Variants in IFT52 observed in about 807,000 individuals in gnomAD.
IFT52 encodes intraflagellar transport protein 52 homolog.
Under a neutral mutation model 54.4 loss-of-function variants are expected in IFT52, and 44 were observed. The observed-to-expected ratio is 0.81, with a 90% confidence interval of 0.63 to 1.04. The LOEUF (loss-of-function observed/expected upper bound fraction) is 1.04, where lower values mean the gene tolerates loss of function less well. Among genes scored for constraint, IFT52 ranks in the 50% least tolerant of loss-of-function variants. The probability of loss-of-function intolerance (pLI) is 0.00; values close to 1 mark genes in which losing one functional copy is unlikely to be tolerated. For synonymous variants in IFT52, 181 were observed against 185.3 expected, an observed-to-expected ratio of 0.98 and a Z score of 0.19; for missense variants, 452 against 523.6, an observed-to-expected ratio of 0.86 and a Z score of 1.33.
At chr20:43,606,200 G>C (rs569196387) in intron 6 of IFT52, among the ~76,000 whole-genome samples, 1 of 150,956 alleles carries the variant, frequency 6.6e-6, no homozygotes, top group African/African-American at 2.4e-5. Flanking sequence ...TAGCCTGGGG[G>C]ACAGATGGAG....
rs990416668 is a variant in IFT52 at position 43,623,917 on chromosome 20, C to T, written c.795C>T (p.Tyr265=). ...PEISDYMMLP[Y]TATLSKRNRE... ...TTTCTGACTACATGATGCTGCCCTA[C>T]ACAGCCACCCTATCAAAGCGGAATC... The change falls in exon 10 of 14, where the codon TAC becomes TAT. Residue 265 remains tyrosine, a synonymous_variant. Coordinates refer to ENST00000373030, the MANE Select transcript of IFT52 (RefSeq NM_016004.5). The T allele has an allele frequency of 1.9e-6, 3 of 1,614,028 alleles. No individual in the cohort carries two copies. The highest frequency in any genetic ancestry group is 2.7e-5 in the African/African-American group (2 of 74,932).
chr20:43,596,469 GGAGTGAAACT>G lies in IFT52; in HGVS notation c.156_165del (p.Val53GlyfsTer18). 6.2e-7 allele frequency: 1 copy of G among 1,606,054 alleles called. No homozygotes were observed. The highest frequency in any genetic ancestry group is 8.5e-7 in the Non-Finnish European group (1 of 1,174,960). On this transcript the variant is annotated frameshift_variant, in exon 3 of 14. Transcript: ENST00000373030. LOFTEE classifies it high-confidence loss of function. Reference sequence around the variant, plus strand: ...TGAAATCACATCTGAGAAGTTAAATGGAGTGAAACTGTGGATTACAGCTGGGCCAAGGGAA... The same window carrying G: ...TGAAATCACATCTGAGAAGTTAAATGGTGGATTACAGCTGGGCCAAGGGAA...
At chr20:43,638,716 C>A (rs1985714754) in intron 12 of IFT52, among the ~76,000 whole-genome samples, 1 of 152,132 alleles carries the variant, frequency 6.6e-6, no homozygotes, top group African/African-American at 2.4e-5. Flanking sequence ...GCGTCACATT[C>A]ATTTGGTAGG....
Position 43,618,964 on chromosome 20 carries a change from CTT to C in IFT52, c.638_639del (p.Leu213ArgfsTer8), listed in dbSNP as rs1984068422. ...SKNQGGKLAV[L>X]GSCHMFSDQY... The stretch of plus-strand genomic sequence containing the variant: ...GAACCAAGGTGGGAAGCTGGCAGTG[CTT>C]GGTTCATGTCACATGTTCAGTGATC... On this transcript the variant is annotated frameshift_variant, in exon 8 of 14. Coordinates refer to ENST00000373030, the MANE Select transcript of IFT52 (RefSeq NM_016004.5). LOFTEE classifies it high-confidence loss of function. The C allele has an allele frequency of 6.2e-7, 1 of 1,613,896 alleles. No homozygotes were observed. The highest frequency in any genetic ancestry group is 8.5e-7 in the Non-Finnish European group (1 of 1,179,868).
chr20:43,639,393 G>A (rs1985761589), intron 12 of IFT52, among the ~76,000 whole-genome samples: 1 of 152,072 alleles, frequency 6.6e-6, no homozygotes, highest in African/African-American at 2.4e-5. Flanking sequence ...AAAAAAGGCT[G>A]GGTGCAGTGG....
rs573103872 is a variant in IFT52, at chr20:43,623,984, A to G, written c.862A>G (p.Thr288Ala). ...GAGTGATGAGATCCCAAGGGACTTT[A>G]CCACCCTCTTCGACCTGTCCATCTT... The part of the protein sequence containing the change: ...QESDEIPRDF[T>A]TLFDLSIFQL... Residue 288 changes from threonine (T) to alanine (A), a missense_variant, in exon 10 of 14, where the codon ACC (threonine) becomes GCC (alanine). By Grantham distance (58) the Thr-to-Ala change is moderately conservative. Coordinates refer to ENST00000373030, the MANE Select transcript of IFT52 (RefSeq NM_016004.5). 3.1e-6 allele frequency: 5 copies of G among 1,614,094 alleles called. No homozygotes were observed. The highest frequency in any genetic ancestry group is 1.7e-5 in the Admixed American group (1 of 60,002).
At chr20:43,630,754 A>G (rs1373079259) in intron 10 of IFT52, among the ~76,000 whole-genome samples, 1 of 152,222 alleles carries the variant, frequency 6.6e-6, no homozygotes, top group Admixed American at 6.5e-5. Context: ...GATCTAGTTC[A>G]GCGCCATTTC....
intron 9 of IFT52, chr20:43,621,148 A>G (rs1984270905): frequency 2.5e-6 from 1 of 392,522 alleles, no homozygotes; most frequent in Non-Finnish European, 4.6e-6. Flanking sequence ...GCATACATAC[A>G]TACAGTATGT....
At chr20:43,641,598 A>G (rs1159075215) in intron 12 of IFT52, among the ~76,000 whole-genome samples, 1 of 149,630 alleles carries the variant, frequency 6.7e-6, no homozygotes, top group Non-Finnish European at 1.5e-5. Flanking sequence ...GGGTTAAGCA[A>G]TTCTCCTACC....
chr20:43,618,711 C>T (rs185967662), intron 7 of IFT52, among the ~76,000 whole-genome samples: 1 of 151,944 alleles, frequency 6.6e-6, no homozygotes, highest in South Asian at 2.1e-4. Flanking sequence ...TTTGAACTCT[C>T]AACCTCAGGT....
chr20:43,625,393 C>G (rs888686215), intron 10 of IFT52, among the ~76,000 whole-genome samples: 4 of 152,028 alleles, frequency 2.6e-5, no homozygotes, highest in African/African-American at 9.7e-5. Flanking sequence ...CCTGTAATCC[C>G]AGCTACTCAA....
rs187446329 is a variant in IFT52 at position 43,616,952 on chromosome 20, G to A, written c.613-1988G>A. Among the ~76,000 whole-genome samples the A allele has an allele frequency of 7.8e-4, 119 of 152,262 alleles. 1 individual carries two copies. Among genetic ancestry groups the A allele is most frequent in the African/African-American group, 2.6e-3 (109 of 41,560 alleles). On this transcript the variant is annotated intron_variant, in intron 7 of 13. Coordinates refer to ENST00000373030, the MANE Select transcript of IFT52 (RefSeq NM_016004.5). The stretch of plus-strand genomic sequence containing the variant: ...CACTTGAACCCAGGAGTTCGAGGCT[G>A]CAGTGAGCCATGATTGTGCCACTGC...
chr20:43,594,242 A>T (rs1271152894), intron 1 of IFT52, among the ~76,000 whole-genome samples: 2 of 152,118 alleles, frequency 1.3e-5, no homozygotes, highest in Admixed American at 6.5e-5. Flanking sequence ...CGGGAGATGG[A>T]GGTTGCAGTG....
chr20:43,602,727 C>G (rs1982560816), intron 3 of IFT52, among the ~76,000 whole-genome samples: 1 of 152,074 alleles, frequency 6.6e-6, no homozygotes, highest in Non-Finnish European at 1.5e-5. Context: ...CCAAGCTGGT[C>G]TCGAACTCCT....
chr20:43,611,870 A>T (rs1041466930), intron 6 of IFT52, among the ~76,000 whole-genome samples: 3 of 151,694 alleles, frequency 2.0e-5, no homozygotes, highest in African/African-American at 7.3e-5. Context: ...TCTTTACTAA[A>T]AGTACAAAAA....
intron 6 of IFT52, among the ~76,000 whole-genome samples, chr20:43,607,414 G>C (rs918411702): frequency 9.4e-5 from 14 of 148,862 alleles, no homozygotes; most frequent in African/African-American, 3.0e-4. Flanking sequence ...CTTCTCAGAC[G>C]GGGCGGCTGC....
At chr20:43,630,464 T>A (rs1267169528) in intron 10 of IFT52, among the ~76,000 whole-genome samples, 1 of 152,216 alleles carries the variant, frequency 6.6e-6, no homozygotes, top group Non-Finnish European at 1.5e-5. Context: ...TTCTGGTGTC[T>A]ATATGGTAAG....
intron 10 of IFT52, among the ~76,000 whole-genome samples, chr20:43,629,720 A>G (rs1040504550): frequency 6.6e-6 from 1 of 152,230 alleles, no homozygotes; most frequent in Non-Finnish European, 1.5e-5. Context: ...AATTTGCTCT[A>G]AGTTAAACAG....
At chr20:43,592,029 T>C (rs1485480416) in intron 1 of IFT52, among the ~76,000 whole-genome samples, 1 of 152,102 alleles carries the variant, frequency 6.6e-6, no homozygotes, top group Non-Finnish European at 1.5e-5. Context: ...AGAGATGAAT[T>C]GGGGTCAGGC....
Sources: allele counts gnomAD v4.1 joint callset (sites outside exome capture counted in the v4.1 genomes callset), GRCh38; gene constraint gnomAD v4.1.1; transcripts MANE v1.5; gene names NCBI Gene and HGNC (gene_info 2026-07-23, HGNC 2026-07-21).